BCKDHB: variants seen among roughly 807,000 people sequenced by gnomAD.
The protein encoded by BCKDHB is 2-oxoisovalerate dehydrogenase subunit beta, mitochondrial.
BCKDHB carries 41 observed loss-of-function variants against 48.5 expected under a neutral mutation model. The ratio of observed to expected loss-of-function variants is 0.85; its 90% confidence interval spans 0.66 to 1.10. The LOEUF (loss-of-function observed/expected upper bound fraction) is 1.10. BCKDHB is among the 50% of genes least tolerant of loss of function. BCKDHB has a pLI of 0.00. For synonymous variants in BCKDHB, 201 were observed against 174.8 expected (o/e 1.15, Z -1.18); for missense variants, 496 against 494.2 (o/e 1.00, Z -0.03).
chr6:80,220,387 C>T lies in BCKDHB; in HGVS notation c.951+17175C>T, dbSNP rs1203418851. Among the ~76,000 whole-genome samples, 4 of 51,086 alleles carry T rather than the reference C, an allele frequency of 7.8e-5. 1 individual carries two copies. Among genetic ancestry groups the T allele is most frequent in the East Asian group, 9.8e-4 (1 of 1,024 alleles). 33.5% of individuals were successfully genotyped at this position (51,086 alleles called of 152,430 possible). On this transcript the variant is annotated intron_variant, in intron 8 of 9. Transcript: ENST00000320393. ...TTTCAAGTTATGTTCTATAGATTATCTCTGTTTCTTTAGTAGTGTTTTTTT... is the reference window on the plus strand; with the variant it reads ...TTTCAAGTTATGTTCTATAGATTATTTCTGTTTCTTTAGTAGTGTTTTTTT...
intron 8 of BCKDHB, among the ~76,000 whole-genome samples, chr6:80,210,799 A>G (rs1197308995): frequency 2.6e-5 from 4 of 152,144 alleles, no homozygotes; most frequent in Non-Finnish European, 5.9e-5. Context: ...ACAGGAGCTC[A>G]TAAGTAGGGC....
chr6:80,327,384 T>G (rs1238224239), intron 9 of BCKDHB, among the ~76,000 whole-genome samples: 6 of 152,266 alleles, frequency 3.9e-5, no homozygotes, highest in African/African-American at 1.4e-4. Context: ...GAATACATTT[T>G]GCTTTTGCAC....
At chr6:80,446,784 G>A in the BCKDHB span, among the ~76,000 whole-genome samples, 10 of 144,772 alleles carry the variant, frequency 6.9e-5, no homozygotes, top group African/African-American at 1.0e-4. Flanking sequence ...AGTATTTAGC[G>A]GATCTGGGTG....
At chr6:80,242,866 T>A (rs1776444963) in intron 8 of BCKDHB, among the ~76,000 whole-genome samples, 1 of 152,066 alleles carries the variant, frequency 6.6e-6, no homozygotes, top group Non-Finnish European at 1.5e-5. Flanking sequence ...AGTATAAAAA[T>A]TGGGTAGGTT....
At chr6:80,220,734 C>CTTTTTTTTTTTTT (rs67235328) in intron 8 of BCKDHB, among the ~76,000 whole-genome samples, 2 of 121,954 alleles carry the variant, frequency 1.6e-5, no homozygotes, top group African/African-American at 3.0e-5. Flanking sequence ...TTTTCTTTTT[C>CTTTTTTTTTTTTT]TTTTTTTTTT....
At chr6:80,298,986 T>G (rs1487483970) in intron 9 of BCKDHB, among the ~76,000 whole-genome samples, 2 of 152,104 alleles carry the variant, frequency 1.3e-5, no homozygotes, top group East Asian at 1.9e-4. Context: ...CAACAAAGAT[T>G]GCAAGGCAGA....
At chr6:80,366,003 C>CA in the BCKDHB span, among the ~76,000 whole-genome samples, 519 of 152,294 alleles carry the variant, frequency 3.4e-3, 6 homozygotes, top group African/African-American at 0.012. Context: ...TATAATCACT[C>CA]AAAGATGTCT....
At chr6:80,214,798 G>T (rs994272776) in intron 8 of BCKDHB, among the ~76,000 whole-genome samples, 8 of 152,168 alleles carry the variant, frequency 5.3e-5, no homozygotes, top group Non-Finnish European at 1.0e-4. Context: ...AATAACTGAT[G>T]ATCTCGTGAA....
At chr6:80,285,641 C>G (rs1766593731) in intron 9 of BCKDHB, among the ~76,000 whole-genome samples, 1 of 152,120 alleles carries the variant, frequency 6.6e-6, no homozygotes. Flanking sequence ...CCATGCCAGT[C>G]TTGTGAACAT....
chr6:80,280,810 G>A (rs961921681), intron 9 of BCKDHB, among the ~76,000 whole-genome samples: 4 of 152,158 alleles, frequency 2.6e-5, no homozygotes, highest in Admixed American at 2.6e-4. Context: ...AAGGACATGG[G>A]AGTAGGTTAG....
the BCKDHB span, among the ~76,000 whole-genome samples, chr6:80,360,064 G>C: frequency 6.6e-6 from 1 of 152,164 alleles, no homozygotes; most frequent in Non-Finnish European, 1.5e-5. Context: ...TGTTAAAATG[G>C]TGATTGGAGG....
chr6:80,110,576 C>T (rs9443734), intron 1 of BCKDHB, among the ~76,000 whole-genome samples: 55,837 of 152,050 alleles, frequency 0.37, 12,262 homozygotes, highest in Admixed American at 0.56. Context: ...TTTTCTCTGG[C>T]ATTAGGATTT....
At chr6:80,422,416 G>T in the BCKDHB span, among the ~76,000 whole-genome samples, 1 of 152,198 alleles carries the variant, frequency 6.6e-6, no homozygotes, top group Admixed American at 6.5e-5. Context: ...AAAAGGTGGG[G>T]TTGGTGCACC....
chr6:80,356,963 A>G, the BCKDHB span: 2 of 17,550 alleles, frequency 1.1e-4, 1 homozygote, highest in Non-Finnish European at 2.2e-4. Context: ...CCCCCCCCCC[A>G]CACACACGAT....
At chr6:80,152,563 T>C (rs972193234) in intron 3 of BCKDHB, among the ~76,000 whole-genome samples, 3 of 152,208 alleles carry the variant, frequency 2.0e-5, no homozygotes, top group African/African-American at 7.2e-5. Context: ...CATAATCATT[T>C]GTTTCATTCA....
intron 3 of BCKDHB, among the ~76,000 whole-genome samples, chr6:80,162,569 T>C (rs1029068670): frequency 6.6e-6 from 1 of 152,174 alleles, no homozygotes; most frequent in Non-Finnish European, 1.5e-5. Flanking sequence ...AAACCTGTCT[T>C]GCTGGGTGCA....
At chr6:80,404,620 GTTC>G in the BCKDHB span, among the ~76,000 whole-genome samples, 5 of 151,588 alleles carry the variant, frequency 3.3e-5, no homozygotes, top group Non-Finnish European at 4.4e-5. Context: ...AGCTTAGTTT[GTTC>G]TTCTTTATCT....
the BCKDHB span, among the ~76,000 whole-genome samples, chr6:80,422,900 G>A: frequency 6.6e-6 from 1 of 152,266 alleles, no homozygotes; most frequent in South Asian, 2.1e-4. Flanking sequence ...TTCAACATTT[G>A]AGTTACTGCT....
intron 8 of BCKDHB, among the ~76,000 whole-genome samples, chr6:80,212,349 A>G (rs1774976333): frequency 6.6e-6 from 1 of 152,066 alleles, no homozygotes; most frequent in South Asian, 2.1e-4. Flanking sequence ...TTCCCAGGGT[A>G]TTAATATTAA....
Sources: gnomAD v4.1 joint callset for allele counts (sites outside exome capture counted in the v4.1 genomes callset) on GRCh38, gnomAD v4.1.1 for gene constraint, MANE v1.5 for transcripts, NCBI Gene and HGNC (gene_info 2026-07-23, HGNC 2026-07-21) for gene names.